ZDHHC7: variants seen among roughly 807,000 people sequenced by gnomAD.
The protein encoded by ZDHHC7 is palmitoyltransferase ZDHHC7.
A neutral mutation model predicts 34.1 loss-of-function variants in ZDHHC7; 12 were observed. The observed-to-expected ratio is 0.35, with a 90% CI of 0.23 to 0.57. The LOEUF is 0.57. Ranked by LOEUF, ZDHHC7 falls within the 20% of genes least tolerant of loss-of-function variation. The probability of loss-of-function intolerance (pLI) is 0.84; values close to 1 mark genes in which losing one functional copy is unlikely to be tolerated. For missense variants in ZDHHC7, 388 were observed against 402.7 expected (o/e 0.96, Z 0.31); for synonymous variants, 185 against 155.4 (o/e 1.19, Z -1.42).
At chr16:84,990,961 G>A (rs149922941) in intron 2 of ZDHHC7, among the ~76,000 whole-genome samples, 100 of 152,264 alleles carry the variant, frequency 6.6e-4, no homozygotes, top group Non-Finnish European at 1.2e-3. Flanking sequence ...GCAGCGTGGA[G>A]AGGAGCTCTG....
chr16:85,009,871 G>C (rs2072767733), intron 1 of ZDHHC7, among the ~76,000 whole-genome samples: 1 of 151,804 alleles, frequency 6.6e-6, no homozygotes, highest in South Asian at 2.1e-4. Flanking sequence ...ACCATGCCCA[G>C]CTAATTTTTG....
chr16:85,010,000 G>A (rs1029202131), intron 1 of ZDHHC7, among the ~76,000 whole-genome samples: 1 of 149,790 alleles, frequency 6.7e-6, no homozygotes, highest in Admixed American at 6.6e-5. Flanking sequence ...GAGCCACTGT[G>A]CCTGGCCAAG....
intron 2 of ZDHHC7, among the ~76,000 whole-genome samples, chr16:84,990,927 G>A (rs922887357): frequency 9.2e-5 from 14 of 152,146 alleles, no homozygotes; most frequent in Non-Finnish European, 1.5e-4. Context: ...AGCTAGACGC[G>A]AAGTCCCAGC....
chr16:84,983,385 G>C (rs1245057626), intron 3 of ZDHHC7, among the ~76,000 whole-genome samples: 1 of 152,178 alleles, frequency 6.6e-6, no homozygotes, highest in Non-Finnish European at 1.5e-5. Context: ...CAGGGTGAGG[G>C]TTGACATCCA....
rs534994843 is a variant in ZDHHC7, at chr16:84,977,835, T to C, written c.619+89A>G. The C allele has an allele frequency of 8.2e-5, 87 of 1,057,746 alleles. 1 individual carries two copies. The highest frequency in any genetic ancestry group is 1.2e-4 in the South Asian group (8 of 68,236). The allele number at this position is 1,057,746 out of a possible 1,614,324, so 65.5% of individuals were successfully genotyped here. A position where few individuals can be genotyped will look rare whatever the true frequency, so the allele number is the denominator to read the frequency against. On this transcript the variant is annotated intron_variant, in intron 6 of 7. Transcript: ENST00000313732. ...ATAATTGCAATGATTTCCTTCAAAATTGGAAAACTGGTTCTTCCTTTAAAG... is the reference window on the plus strand; with the variant it reads ...ATAATTGCAATGATTTCCTTCAAAACTGGAAAACTGGTTCTTCCTTTAAAG...
Position 84,978,012 on chromosome 16 carries a change from T to G in ZDHHC7, c.538-7A>C, listed in dbSNP as rs1567491512. ...AAGACAGAGCTATATACATCTAGAA[T>G]GAGGGGGAGATTGGTTAGTCACTTT... On this transcript the variant is annotated splice_region_variant and splice_polypyrimidine_tract_variant and intron_variant, in intron 5 of 7. Coordinates refer to ENST00000313732, the MANE Select transcript of ZDHHC7 (RefSeq NM_017740.3). The G allele has an allele frequency of 6.2e-7, 1 of 1,600,422 alleles. No homozygotes were observed. The highest frequency in any genetic ancestry group is 8.5e-7 in the Non-Finnish European group (1 of 1,171,384).
At chr16:84,986,397 C>T (rs766420969) in intron 3 of ZDHHC7, among the ~76,000 whole-genome samples, 6 of 152,186 alleles carry the variant, frequency 3.9e-5, no homozygotes, top group Non-Finnish European at 7.3e-5. Flanking sequence ...GAGGAAAGCA[C>T]GCTTTTGGCA....
the ZDHHC7 span, among the ~76,000 whole-genome samples, chr16:85,018,478 ACT>A: frequency 2.5e-5 from 3 of 120,230 alleles, no homozygotes; most frequent in East Asian, 2.7e-4. Context: ...ACAGAGTTTT[ACT>A]CTTGTTGCCC....
intron 3 of ZDHHC7, 89 bp downstream of exon 3, chr16:84,990,215 T>TG (rs1313701082): frequency 6.9e-7 from 1 of 1,444,786 alleles, no homozygotes; most frequent in Admixed American, 2.0e-5. Flanking sequence ...AATATGTCCC[T>TG]GTGCACTGCT....
chr16:84,978,874 A>AG (rs2072332183), intron 5 of ZDHHC7, among the ~76,000 whole-genome samples: 3 of 151,804 alleles, frequency 2.0e-5, no homozygotes, highest in South Asian at 4.2e-4. Context: ...AAAAAAAAAA[A>AG]AAGAAAAAAA....
At chr16:84,980,891 T>C (rs2072359244) in intron 4 of ZDHHC7, among the ~76,000 whole-genome samples, 1 of 152,222 alleles carries the variant, frequency 6.6e-6, no homozygotes, top group African/African-American at 2.4e-5. Context: ...TTCATCTTTC[T>C]TTACTTTCTG....
intron 1 of ZDHHC7, among the ~76,000 whole-genome samples, chr16:85,010,903 G>C (rs750853538): frequency 3.3e-5 from 5 of 152,240 alleles, no homozygotes; most frequent in Non-Finnish European, 5.9e-5. Context: ...GTGCGAGACT[G>C]CTCATTGTAA....
chr16:85,025,263 G>T, the ZDHHC7 span, among the ~76,000 whole-genome samples: 1 of 149,582 alleles, frequency 6.7e-6, no homozygotes, highest in African/African-American at 2.5e-5. Flanking sequence ...AGAGTGAGAT[G>T]ATTTAAAAAA....
intron 2 of ZDHHC7, 85 bp from the exon 3 acceptor site, chr16:84,990,720 G>T: frequency 8.7e-7 from 1 of 1,144,948 alleles, no homozygotes; most frequent in Non-Finnish European, 1.2e-6. Context: ...TTTGTCCTTG[G>T]CCATTTCATG....
At chr16:85,015,836 CAA>C (rs557190584), upstream of ZDHHC7, among the ~76,000 whole-genome samples, 4 of 137,330 alleles carry the variant, frequency 2.9e-5, no homozygotes, top group Non-Finnish European at 3.2e-5. Flanking sequence ...GATCCTATCT[CAA>C]AAAAAAAAAA....
chr16:85,000,989 A>T (rs1401097734), intron 1 of ZDHHC7, among the ~76,000 whole-genome samples: 1 of 152,226 alleles, frequency 6.6e-6, no homozygotes, highest in African/African-American at 2.4e-5. Context: ...AAAGACATGG[A>T]CAAGAGAGGA....
the ZDHHC7 span, among the ~76,000 whole-genome samples, chr16:85,019,724 A>G: frequency 1.4e-3 from 215 of 152,266 alleles, 2 homozygotes; most frequent in African/African-American, 4.9e-3. Flanking sequence ...TCTCCAATAA[A>G]TAAATAATAA....
the ZDHHC7 span, among the ~76,000 whole-genome samples, chr16:85,020,381 C>T: frequency 1.3e-5 from 2 of 152,210 alleles, no homozygotes; most frequent in African/African-American, 4.8e-5. Context: ...AAGCTCCTGC[C>T]TGTTATGGAG....
At chr16:85,016,748 C>T in the ZDHHC7 span, among the ~76,000 whole-genome samples, 1 of 152,052 alleles carries the variant, frequency 6.6e-6, no homozygotes, top group African/African-American at 2.4e-5. Flanking sequence ...GCATGAGCCA[C>T]CACACCTGTC....
Sources: allele counts gnomAD v4.1 joint callset (sites outside exome capture counted in the v4.1 genomes callset), GRCh38; gene constraint gnomAD v4.1.1; transcripts MANE v1.5; gene names NCBI Gene and HGNC (gene_info 2026-07-23, HGNC 2026-07-21).